The following RAB6A variants were observed in gnomAD, a reference collection of about 807,000 sequenced individuals.
RAB6A encodes RAB6A, member RAS oncogene family, also known as ras-related protein Rab-6A.
RAB6A carries 8 observed loss-of-function variants against 32.3 expected under a neutral mutation model. The observed-to-expected ratio is 0.25, with a 90% CI of 0.15 to 0.45. The LOEUF is 0.45. RAB6A is among the 20% of genes least tolerant of loss of function. The pLI is 1.00. For synonymous variants in RAB6A, 73 were observed against 82.1 expected (o/e 0.89, Z 0.60); for missense variants, 104 against 249.4 (o/e 0.42, Z 3.93).
At chr11:73,739,392 G>A (rs868267464) in intron 1 of RAB6A, among the ~76,000 whole-genome samples, 5 of 145,174 alleles carry the variant, frequency 3.4e-5, no homozygotes, top group East Asian at 2.1e-4. Flanking sequence ...GGTTGGTCTC[G>A]AACTCCTGGG....
intron 2 of RAB6A, among the ~76,000 whole-genome samples, chr11:73,724,563 G>A (rs1245194826): frequency 4.5e-5 from 6 of 134,576 alleles, no homozygotes; most frequent in Non-Finnish European, 9.2e-5. Context: ...TCAGCTCACC[G>A]CAACCTCCGC....
chr11:73,728,134 G>A (rs1041714949), intron 2 of RAB6A, among the ~76,000 whole-genome samples: 1 of 152,154 alleles, frequency 6.6e-6, no homozygotes, highest in Non-Finnish European at 1.5e-5. Flanking sequence ...GTGTCTCAAA[G>A]TACTTGCTCT....
chr11:73,709,961 A>ATTT (rs776254550), intron 5 of RAB6A, among the ~76,000 whole-genome samples: 1,080 of 81,710 alleles, frequency 0.013, 12 homozygotes, highest in Middle Eastern at 0.029. Flanking sequence ...ATATATATAT[A>ATTT]TTTTTTTTTT....
chr11:73,722,303 GTGTATATATATATATA>G (rs1487751210), intron 2 of RAB6A: 36 of 13,920 alleles, frequency 2.6e-3, no homozygotes, highest in African/African-American at 7.6e-3. Context: ...ATATGTGTGT[GTGTATATATATATATA>G]TATATATATA....
chr11:73,738,857 T>C (rs1199789838), intron 1 of RAB6A, among the ~76,000 whole-genome samples: 2 of 150,328 alleles, frequency 1.3e-5, no homozygotes, highest in African/African-American at 2.5e-5. Context: ...GCCCAGATGA[T>C]TGCTTGAGCC....
At position 73,679,548 on chromosome 11, in the gene RAB6A, G is replaced by A. The variant is rs1945320477; in HGVS notation, c.562+106C>T. The A allele has an allele frequency of 2.9e-6, 4 of 1,400,520 alleles. No homozygotes were observed. The Admixed American group carries it at 5.2e-5, about 18-fold the overall frequency. 86.8% of individuals were successfully genotyped at this position (1,400,520 alleles called of 1,614,324 possible). A position where few individuals can be genotyped will look rare whatever the true frequency, so the allele number is the denominator to read the frequency against. On this transcript the variant is annotated intron_variant, in intron 7 of 7. Transcript: ENST00000336083. Reference sequence around the variant, plus strand: ...GAATTTCTATGCCTTTAAGTCATCAGTTCCTGGTTGTAAAAGGCAATGGCA... The same window carrying A: ...GAATTTCTATGCCTTTAAGTCATCAATTCCTGGTTGTAAAAGGCAATGGCA...
chr11:73,750,419 A>ACTGAC lies in RAB6A; in HGVS notation c.70+10146_70+10147insGTCAG, dbSNP rs1244259499. Among the ~76,000 whole-genome samples, 786 of 149,702 alleles carry ACTGAC rather than the reference A, an allele frequency of 5.3e-3. 6 individuals carry two copies. The highest frequency in any genetic ancestry group is 0.018 in the African/African-American group (715 of 40,622). On this transcript the variant is annotated intron_variant, in intron 1 of 7. Transcript: ENST00000336083. The stretch of plus-strand genomic sequence containing the variant: ...GGCTGGAGTGCAGTGGCATGATGTC[A>ACTGAC]GCTCACTGCAAACTCCACCTCCCAG...
At chr11:73,688,792 C>G (rs964073645) in intron 6 of RAB6A, among the ~76,000 whole-genome samples, 1 of 152,172 alleles carries the variant, frequency 6.6e-6, no homozygotes, top group Non-Finnish European at 1.5e-5. Context: ...TTCTCCCAAT[C>G]CTGAAGAGAT....
intron 2 of RAB6A, chr11:73,722,343 A>ATTTTTTT (rs537309131): frequency 7.8e-4 from 12 of 15,364 alleles, no homozygotes; most frequent in African/African-American, 2.4e-3. Flanking sequence ...ATATATATAT[A>ATTTTTTT]TTTTTTTTTT....
At chr11:73,729,780 C>G (rs1440443482) in intron 2 of RAB6A, 1 of 152,314 alleles carries the variant, frequency 6.6e-6, no homozygotes, top group Non-Finnish European at 1.5e-5. Flanking sequence ...TACCCCAGCA[C>G]CTCCTCTATG....
intron 1 of RAB6A, among the ~76,000 whole-genome samples, chr11:73,748,289 A>G (rs1946621901): frequency 6.6e-6 from 1 of 152,244 alleles, no homozygotes; most frequent in Non-Finnish European, 1.5e-5. Context: ...AGGAATGAAC[A>G]GTATCCCAAA....
At chr11:73,706,690 T>G (rs1945851419) in intron 6 of RAB6A, among the ~76,000 whole-genome samples, 1 of 152,168 alleles carries the variant, frequency 6.6e-6, no homozygotes, top group African/African-American at 2.4e-5. Context: ...AAAGACCTGT[T>G]GTAAACACTG....
chr11:73,684,044 A>G (rs977808170), intron 6 of RAB6A, among the ~76,000 whole-genome samples: 17 of 152,240 alleles, frequency 1.1e-4, no homozygotes, highest in African/African-American at 3.9e-4. Flanking sequence ...CGGTCAGCAG[A>G]CATTAACATC....
intron 6 of RAB6A, among the ~76,000 whole-genome samples, chr11:73,681,710 G>A (rs775087436): frequency 5.9e-5 from 9 of 152,194 alleles, no homozygotes; most frequent in Non-Finnish European, 8.8e-5. Context: ...TCGGGAGGCT[G>A]AGGCAGAAGA....
chr11:73,692,502 CAAAAAA>C lies in RAB6A; in HGVS notation c.496-12788_496-12783del, dbSNP rs34201129. On this transcript the variant is annotated intron_variant, in intron 6 of 7. Transcript: ENST00000336083. ...TGAGCGACAGAGTGAGACTCTGTCT[CAAAAAA>C]AAAAAAAAAAAAAAAGGAAAGAAAA... Among the ~76,000 whole-genome samples, 3 of 56,440 alleles carry C rather than the reference CAAAAAA, an allele frequency of 5.3e-5. No homozygotes were observed. The East Asian group carries it at 1.5e-3, about 29-fold the overall frequency. The allele number at this position is 56,440 out of a possible 152,430, so 37.0% of individuals were successfully genotyped here.
intron 5 of RAB6A, among the ~76,000 whole-genome samples, chr11:73,710,131 TG>T (rs1181625269): frequency 8.9e-5 from 3 of 33,702 alleles, no homozygotes; most frequent in Non-Finnish European, 2.3e-4. Context: ...GCTAATTTTT[TG>T]TGTTTTTTTT....
In RAB6A at chr11:73,725,618, G is replaced by A. The variant is rs144902032; in HGVS notation, c.130-4719C>T. ...TCCCTTTATGAAACCATCAGATCTCGTAAGACTTATTCATTACCACGAGAA... is the reference window on the plus strand; with the variant it reads ...TCCCTTTATGAAACCATCAGATCTCATAAGACTTATTCATTACCACGAGAA... On this transcript the variant is annotated intron_variant, in intron 2 of 7. Coordinates refer to ENST00000336083, the MANE Select transcript of RAB6A (RefSeq NM_198896.2). Among the ~76,000 whole-genome samples, 63 of 152,242 alleles carry A rather than the reference G, an allele frequency of 4.1e-4. No individual in the cohort carries two copies. The East Asian group carries it at 8.9e-3, about 21-fold the overall frequency.
chr11:73,694,366 A>G (rs566129541), intron 6 of RAB6A, among the ~76,000 whole-genome samples: 89 of 152,372 alleles, frequency 5.8e-4, no homozygotes, highest in Non-Finnish European at 9.8e-4. Context: ...AGAATTTGCC[A>G]TAGACCAAAT....
intron 1 of RAB6A, among the ~76,000 whole-genome samples, chr11:73,744,157 T>C (rs1332958171): frequency 2.0e-5 from 3 of 151,642 alleles, no homozygotes; most frequent in East Asian, 3.9e-4. Context: ...GTTAACACAG[T>C]GAAACCCTGT....
Sources: allele counts gnomAD v4.1 joint callset (sites outside exome capture counted in the v4.1 genomes callset), GRCh38; gene constraint gnomAD v4.1.1; transcripts MANE v1.5; gene names NCBI Gene and HGNC (gene_info 2026-07-23, HGNC 2026-07-21).